DIAPH2: variants seen among roughly 807,000 people sequenced by gnomAD.
DIAPH2 encodes diaphanous related formin 2.
Under a neutral mutation model 92.7 loss-of-function variants are expected in DIAPH2, and 35 were observed. That is an observed-to-expected ratio of 0.38 (90% CI 0.29 to 0.50). DIAPH2 has a LOEUF of 0.50. Ranked by LOEUF, DIAPH2 falls within the 20% of genes least tolerant of loss-of-function variation. The pLI is 0.94. For missense variants in DIAPH2, 701 were observed against 819.5 expected, an observed-to-expected ratio of 0.86 and a Z score of 1.77; for synonymous variants, 301 against 280.4, an observed-to-expected ratio of 1.07 and a Z score of -0.73.
At chrX:96,894,306 C>T (rs1167387822) in intron 5 of DIAPH2, among the ~76,000 whole-genome samples, 3 of 109,194 alleles carry the variant, frequency 2.7e-5, no homozygotes, top group Non-Finnish European at 5.7e-5. Context: ...TACCAGCTTC[C>T]AAAAGAATTT....
In DIAPH2 at chrX:96,819,720, C is replaced by T. The variant is rs181782319; in HGVS notation, c.447+61462C>T. ...TTCTCCATAAGGCTTTAGAAGTAGA[C>T]GAGACTAAGCAGCTTTGTTTCTAAT... is the stretch of plus-strand genomic sequence containing the variant. On this transcript the variant is annotated intron_variant, in intron 4 of 26. Coordinates refer to ENST00000324765, the MANE Select transcript of DIAPH2 (RefSeq NM_006729.5). Among the ~76,000 whole-genome samples the T allele has an allele frequency of 2.4e-4, 27 of 112,197 alleles. No homozygotes were observed. In the South Asian group the frequency reaches 2.9e-3, roughly 12 times the overall value.
At chrX:96,712,463 C>T (rs763419298) in intron 1 of DIAPH2, among the ~76,000 whole-genome samples, 88 of 111,059 alleles carry the variant, frequency 7.9e-4, no homozygotes, top group African/African-American at 2.8e-3. Context: ...CTTTCCTATT[C>T]CTAATGTTGC....
chrX:97,583,262 G>A (rs2071453757), intron 26 of DIAPH2, among the ~76,000 whole-genome samples: 1 of 111,102 alleles, frequency 9.0e-6, no homozygotes, highest in Non-Finnish European at 1.9e-5. Context: ...GATTTTTAGA[G>A]TTTCCAGTTT....
At chrX:96,751,319 G>A (rs2064185532) in intron 3 of DIAPH2, among the ~76,000 whole-genome samples, 1 of 110,635 alleles carries the variant, frequency 9.0e-6, no homozygotes, top group East Asian at 2.9e-4. Context: ...GCTCAAGTCT[G>A]TAATTCCAGC....
At chrX:96,810,905 T>A (rs1457901915) in intron 4 of DIAPH2, among the ~76,000 whole-genome samples, 1 of 112,057 alleles carries the variant, frequency 8.9e-6, no homozygotes, top group Non-Finnish European at 1.9e-5. Context: ...AGTACCATGC[T>A]GTTTTGGTTA....
rs904957838 is a variant in DIAPH2, at chrX:97,417,236, C to G, written c.3146-12414C>G. ...CATGCCCTTTTTCAAACTACTTTTG[C>G]TTTTTTAAAAAAGCAAAAATATATA... On this transcript the variant is annotated intron_variant, in intron 25 of 26. Transcript: ENST00000324765. Among the ~76,000 whole-genome samples, 4 of 111,105 alleles carry G rather than the reference C, an allele frequency of 3.6e-5. No individual in the cohort carries two copies. The East Asian group carries it at 8.4e-4, about 23-fold the overall frequency.
At chrX:96,746,693 G>C (rs1052548358) in intron 3 of DIAPH2, among the ~76,000 whole-genome samples, 1 of 108,129 alleles carries the variant, frequency 9.2e-6, no homozygotes, top group African/African-American at 3.4e-5. Flanking sequence ...AGCTGAGACT[G>C]TATGCACGTG....
chrX:97,305,690 G>T (rs1159440580), intron 23 of DIAPH2, among the ~76,000 whole-genome samples: 1 of 108,511 alleles, frequency 9.2e-6, no homozygotes, highest in Non-Finnish European at 1.9e-5. Flanking sequence ...GGACGTGGTG[G>T]TGCGTGCCTG....
intron 4 of DIAPH2, among the ~76,000 whole-genome samples, chrX:96,775,487 C>G (rs182515533): frequency 9.2e-6 from 1 of 108,168 alleles, no homozygotes; most frequent in Admixed American, 1.0e-4. Flanking sequence ...TTTTTCTCCC[C>G]GTTCTCTTCG....
At chrX:97,334,177 T>C (rs1244777116) in intron 23 of DIAPH2, among the ~76,000 whole-genome samples, 2 of 110,342 alleles carry the variant, frequency 1.8e-5, no homozygotes, top group African/African-American at 6.6e-5. Context: ...TCTAGATACA[T>C]TGAGGCCGGG....
rs145609078 is a variant in DIAPH2 at position 96,817,221 on chromosome X, G to A, written c.447+58963G>A. ...TTTAAAATAACTAAACTAACTAAAC[G>A]TGTATAATTGGATTGTTTGTAACAC... On this transcript the variant is annotated intron_variant, in intron 4 of 26. Coordinates refer to ENST00000324765, the MANE Select transcript of DIAPH2 (RefSeq NM_006729.5). 9.8e-5 allele frequency among the ~76,000 whole-genome samples: 11 copies of A among 111,770 alleles called. No individual in the cohort carries two copies. In the East Asian group the frequency reaches 2.5e-3, roughly 26 times the overall value.
At chrX:97,192,215 A>G (rs988702049) in intron 22 of DIAPH2, among the ~76,000 whole-genome samples, 2 of 103,031 alleles carry the variant, frequency 1.9e-5, no homozygotes, top group African/African-American at 7.3e-5. Context: ...AATCACTTGA[A>G]CCCGTGAGGC....
chrX:97,162,732 C>G (rs962304091), intron 22 of DIAPH2, among the ~76,000 whole-genome samples: 3 of 111,377 alleles, frequency 2.7e-5, no homozygotes, highest in African/African-American at 6.5e-5. Flanking sequence ...CCAAACTGGT[C>G]TCAAACTCCT....
In DIAPH2 at chrX:97,601,320, A is replaced by T. The variant is rs1386355600; in HGVS notation, c.*2003A>T. On this transcript the variant is annotated 3_prime_UTR_variant, in exon 27 of 27. Coordinates refer to ENST00000324765, the MANE Select transcript of DIAPH2 (RefSeq NM_006729.5). ...GGTCAAGGTAGAAATACTGATATGTATCATCACCTTTTCCAGATACAAACT... is the reference window on the plus strand; with the variant it reads ...GGTCAAGGTAGAAATACTGATATGTTTCATCACCTTTTCCAGATACAAACT... The T allele has an allele frequency of 6.3e-5, 7 of 111,784 alleles. No homozygotes were observed. The highest frequency in any genetic ancestry group is 2.3e-4 in the African/African-American group (7 of 30,741). The allele number at this position is 111,784 out of a possible 1,213,427, so 9.2% of individuals were successfully genotyped here. A position where few individuals can be genotyped will look rare whatever the true frequency, so the allele number is the denominator to read the frequency against.
intron 22 of DIAPH2, among the ~76,000 whole-genome samples, chrX:97,229,766 A>G (rs2067993118): frequency 9.4e-6 from 1 of 106,683 alleles, no homozygotes; most frequent in Admixed American, 1.0e-4. Flanking sequence ...TATATATAAT[A>G]ACAATATAAG....
At chrX:97,579,283 T>C (rs1195787736) in intron 26 of DIAPH2, among the ~76,000 whole-genome samples, 1 of 110,675 alleles carries the variant, frequency 9.0e-6, no homozygotes, top group Non-Finnish European at 1.9e-5. Flanking sequence ...TAGGTTTTCT[T>C]GTAGGGTTTT....
In DIAPH2 at chrX:96,918,616, A is replaced by C. The variant is rs747233087; in HGVS notation, c.977A>C (p.Gln326Pro). The change falls in exon 9 of 27, where the codon CAG (glutamine) becomes CCG (proline). Residue 326 changes from glutamine to proline, a missense_variant and splice_region_variant. By Grantham distance (76) the Gln-to-Pro change is moderately conservative. Coordinates refer to ENST00000324765, the MANE Select transcript of DIAPH2 (RefSeq NM_006729.5). ...GLENQEALQL[Q>P]VACMQFINAL... The stretch of plus-strand genomic sequence containing the variant: ...GAAAATCAGGAAGCCTTGCAATTAC[A>C]GGTGAGTTAGTTTTGTCTTAAATTG... The C allele has an allele frequency of 2.6e-6, 3 of 1,157,779 alleles. No homozygotes were observed. Among genetic ancestry groups the C allele is most frequent in the Non-Finnish European group, 3.5e-6 (3 of 850,142 alleles).
intron 26 of DIAPH2, among the ~76,000 whole-genome samples, chrX:97,555,999 A>C (rs1220456012): frequency 8.9e-6 from 1 of 111,946 alleles, no homozygotes; most frequent in Non-Finnish European, 1.9e-5. Flanking sequence ...AGGGCACAAC[A>C]CTTCAGCCAA....
chrX:96,804,662 A>G (rs1299455985), intron 4 of DIAPH2, among the ~76,000 whole-genome samples: 1 of 111,739 alleles, frequency 8.9e-6, no homozygotes, highest in Non-Finnish European at 1.9e-5. Context: ...AATTTTGGAA[A>G]ATAGTGCAAA....
Sources: gnomAD v4.1 joint callset for allele counts (sites outside exome capture counted in the v4.1 genomes callset) on GRCh38, gnomAD v4.1.1 for gene constraint, MANE v1.5 for transcripts, NCBI Gene and HGNC (gene_info 2026-07-23, HGNC 2026-07-21) for gene names.